SP2: variants seen among roughly 807,000 people sequenced by gnomAD.
SP2 encodes the protein transcription factor Sp2.
In SP2, 9 loss-of-function variants were observed where a neutral mutation model predicts 50.1. That is an observed-to-expected ratio of 0.18 (90% CI 0.11 to 0.31). The LOEUF is 0.31. SP2 is among the 10% of genes least tolerant of loss of function. SP2 has a pLI of 1.00. For synonymous variants in SP2, 313 were observed against 326.6 expected (o/e 0.96, Z 0.45); for missense variants, 581 against 806.5 (o/e 0.72, Z 3.39).
In SP2 at chr17:47,927,884, C is replaced by T; in HGVS notation, c.*60C>T. 1.8e-6 allele frequency: 2 copies of T among 1,083,766 alleles called. No homozygotes were observed. Among genetic ancestry groups the T allele is most frequent in the South Asian group, 2.7e-5 (2 of 74,548 alleles). The allele number at this position is 1,083,766 out of a possible 1,614,324, so 67.1% of individuals were successfully genotyped here. A position where few individuals can be genotyped will look rare whatever the true frequency, so the allele number is the denominator to read the frequency against. ...CCCCCACCTGTGTCCTCCCTGGGCC[C>T]CTGGTGGAAAGGAGCCCTGTGGCTG... is the stretch of plus-strand genomic sequence containing the variant. On this transcript the variant is annotated 3_prime_UTR_variant, in exon 7 of 7. Transcript: ENST00000376741.
intron 3 of SP2, among the ~76,000 whole-genome samples, chr17:47,918,970 T>TA (rs1311700650): frequency 6.6e-6 from 1 of 151,430 alleles, no homozygotes; most frequent in Non-Finnish European, 1.5e-5. Flanking sequence ...CGGCCCTTTA[T>TA]AAAAAAAGCT....
rs530365763 is a variant in SP2, at chr17:47,911,906, G to A, written c.8-3406G>A. Among the ~76,000 whole-genome samples, 7 of 152,160 alleles carry A rather than the reference G, an allele frequency of 4.6e-5. No homozygotes were observed. In the East Asian group the frequency reaches 9.6e-4, roughly 21 times the overall value. On this transcript the variant is annotated intron_variant, in intron 1 of 6. Transcript: ENST00000376741. ...CTGGTCCTGAGACCCACCCCAGTTC[G>A]AGACACTTTGCAGCAGCAGACTTCT...
chr17:47,898,932 G>A (rs534857890), intron 1 of SP2: 19 of 152,316 alleles, frequency 1.2e-4, no homozygotes, highest in African/African-American at 4.3e-4. Context: ...AACTGACTTG[G>A]ATTTGTCGGA....
At chr17:47,931,108 G>A (rs1016650926), downstream of SP2, among the ~76,000 whole-genome samples, 5 of 152,090 alleles carry the variant, frequency 3.3e-5, no homozygotes, top group Non-Finnish European at 7.4e-5. Flanking sequence ...TTGGGAGGCC[G>A]AGGCGGGTGA....
At chr17:47,925,143 G>C (rs1274431630) in intron 5 of SP2, 50 bp downstream of exon 5, 1 of 1,550,100 alleles carries the variant, frequency 6.5e-7, no homozygotes, top group Non-Finnish European at 8.7e-7. Context: ...TGTTCCCCAA[G>C]CCCCTCCTGG....
intron 1 of SP2, among the ~76,000 whole-genome samples, chr17:47,907,714 C>T (rs2143845663): frequency 6.6e-6 from 1 of 152,254 alleles, no homozygotes; most frequent in African/African-American, 2.4e-5. Context: ...TGGTATAAAA[C>T]AATTATTCTG....
At chr17:47,915,941 A>C (rs2035184435) in intron 2 of SP2, among the ~76,000 whole-genome samples, 1 of 152,078 alleles carries the variant, frequency 6.6e-6, no homozygotes, top group South Asian at 2.1e-4. Context: ...TTCCTTCCTG[A>C]GAAAGACATT....
chr17:47,916,791 G>A lies in SP2; in HGVS notation c.720G>A (p.Leu240=). Residue 240 remains leucine (L), a synonymous_variant, in exon 3 of 7, where the codon CTG becomes CTA. Coordinates refer to ENST00000376741, the MANE Select transcript of SP2 (RefSeq NM_003110.6). The surrounding 1 kb of genome is among the most constrained non-coding windows in gnomAD (Gnocchi z 4.7). ...TCACTGAAAGCCCCCCAACCCCGCT[G>A]TCTAAGACTAACAAGAAAGCAAGGA... ...QLLTESPPTP[L]SKTNKKARKK... is the part of the protein sequence containing the mutation. 6.2e-7 allele frequency: 1 copy of A among 1,614,112 alleles called. No homozygotes were observed. The highest frequency in any genetic ancestry group is 8.5e-7 in the Non-Finnish European group (1 of 1,179,962).
chr17:47,919,121 A>G (rs558970958), intron 3 of SP2, among the ~76,000 whole-genome samples: 22 of 152,288 alleles, frequency 1.4e-4, no homozygotes, highest in Non-Finnish European at 2.9e-4. Flanking sequence ...CATATTTACT[A>G]AGAAATGGGC....
intron 1 of SP2, among the ~76,000 whole-genome samples, chr17:47,911,417 T>C (rs1598127726): frequency 6.7e-6 from 1 of 149,606 alleles, no homozygotes; most frequent in South Asian, 2.1e-4. Flanking sequence ...TAGTGGTGGG[T>C]GCCTGTAATC....
intron 5 of SP2, 23 bp downstream of exon 5, chr17:47,925,116 GC>G: frequency 6.3e-7 from 1 of 1,586,104 alleles, no homozygotes; most frequent in Non-Finnish European, 8.6e-7. Context: ...GAAGGCCCAA[GC>G]CACAAGGCTG....
intron 1 of SP2, among the ~76,000 whole-genome samples, chr17:47,900,753 G>A (rs2034507020): frequency 6.6e-6 from 1 of 152,160 alleles, no homozygotes; most frequent in Admixed American, 6.5e-5. Context: ...CCCCAGCCTG[G>A]GTAACAGAGC....
downstream of SP2, among the ~76,000 whole-genome samples, chr17:47,930,845 C>G (rs1397593433): frequency 6.6e-6 from 1 of 152,194 alleles, no homozygotes; most frequent in Admixed American, 6.5e-5. Context: ...CCCTCATGCC[C>G]TTCCTCTCTG....
intron 1 of SP2, among the ~76,000 whole-genome samples, chr17:47,906,892 T>G (rs933431077): frequency 3.9e-5 from 6 of 151,976 alleles, no homozygotes; most frequent in Non-Finnish European, 7.4e-5. Flanking sequence ...TGTAAAGCCG[T>G]GCGAGTAGGC....
In SP2 at chr17:47,916,564, G is replaced by C. The variant is rs1472908036; in HGVS notation, c.493G>C (p.Ala165Pro). ...CCAGATCATCCCTGGCACCAACCAA[G>C]CCATCATCACCCCCTCACCGTCCAG... ...QIQIIPGTNQ[A>P]IITPSPSSHK... Residue 165 changes from alanine to proline, a missense_variant, in exon 3 of 7, where the codon GCC (alanine) becomes CCC (proline). This residue lies in a region of SP2 where 397 missense variants were observed against 491.0 expected (regional missense o/e 0.81). Coordinates refer to ENST00000376741, the MANE Select transcript of SP2 (RefSeq NM_003110.6). This position sits in a 1 kb window ranked among gnomAD's most constrained non-coding sequence, Gnocchi z 4.7. 1.2e-6 allele frequency: 2 copies of C among 1,614,064 alleles called. No homozygotes were observed. The highest frequency in any genetic ancestry group is 3.3e-5 in the Admixed American group (2 of 60,004).
chr17:47,922,915 A>G, intron 3 of SP2, 47 bp from the exon 4 acceptor site: 1 of 1,546,808 alleles, frequency 6.5e-7, no homozygotes, highest in Non-Finnish European at 8.8e-7. Context: ...GGCCCCAGGA[A>G]CCTAGTCTCT....
At chr17:47,931,033 C>T (rs1205765417), downstream of SP2, among the ~76,000 whole-genome samples, 1 of 152,070 alleles carries the variant, frequency 6.6e-6, no homozygotes, top group African/African-American at 2.4e-5. Flanking sequence ...TTCAGACCAC[C>T]CAGTCCATTT....
chr17:47,916,648 C>G lies in SP2; in HGVS notation c.577C>G (p.Pro193Ala), dbSNP rs961047882. The G allele has an allele frequency of 6.2e-7, 1 of 1,613,890 alleles. No individual in the cohort carries two copies. The highest frequency in any genetic ancestry group is 8.5e-7 in the Non-Finnish European group (1 of 1,179,950). ...CCAGAAGTCGAGTACGACCACCACCCCCGTGCAGAGCGGGGCCAATGTGGT... is the reference window on the plus strand; with the variant it reads ...CCAGAAGTCGAGTACGACCACCACCGCCGTGCAGAGCGGGGCCAATGTGGT... ...PIQKSSTTTTPVQSGANVVKL... is the reference protein window; with the variant it reads ...PIQKSSTTTTAVQSGANVVKL... Residue 193 changes from proline (P) to alanine (A), a missense_variant, in exon 3 of 7, where the codon CCC becomes GCC. Around this residue, in one of 2 missense-constraint regions of SP2, gnomAD observed 397 missense variants for 491.0 expected, o/e 0.81. Coordinates refer to ENST00000376741, the MANE Select transcript of SP2 (RefSeq NM_003110.6). The surrounding 1 kb of genome is among the most constrained non-coding windows in gnomAD (Gnocchi z 4.7).
At chr17:47,899,612 G>A (rs950782278) in intron 1 of SP2, 2 of 152,304 alleles carry the variant, frequency 1.3e-5, no homozygotes, top group South Asian at 2.1e-4. Flanking sequence ...AATGGAAAAC[G>A]GATTTTTCTG....
Sources: gnomAD v4.1 joint callset for allele counts (sites outside exome capture counted in the v4.1 genomes callset) on GRCh38, gnomAD v4.1.1 for gene constraint, gnomAD v4.1.1 regional missense constraint, Gnocchi (gnomAD v3.1) non-coding constraint, MANE v1.5 for transcripts, NCBI Gene and HGNC (gene_info 2026-07-23, HGNC 2026-07-21) for gene names.